Variants in LARGE1 observed in about 807,000 individuals in gnomAD.
LARGE1 encodes the protein xylosyl- and glucuronyltransferase LARGE1.
Under a neutral mutation model 87.6 loss-of-function variants are expected in LARGE1, and 43 were observed. The ratio of observed to expected loss-of-function variants is 0.49; its 90% CI spans 0.38 to 0.63. The LOEUF (loss-of-function observed/expected upper bound fraction) is 0.63. LARGE1 is among the 30% of genes least tolerant of loss of function. The probability of loss-of-function intolerance (pLI) is 0.00; values close to 1 mark genes in which losing one functional copy is unlikely to be tolerated. For synonymous variants in LARGE1, 434 were observed against 394.6 expected (o/e 1.10, Z -1.18); for missense variants, 802 against 1,000.2 (o/e 0.80, Z 2.67).
At chr22:33,576,877 TGAAAA>T (rs2148849691) in intron 5 of LARGE1, among the ~76,000 whole-genome samples, 1 of 152,326 alleles carries the variant, frequency 6.6e-6, no homozygotes, top group East Asian at 1.9e-4. Context: ...TAGAGCATAC[TGAAAA>T]GAAAATAAAT....
chr22:33,591,110 A>G (rs2078826680), intron 5 of LARGE1, among the ~76,000 whole-genome samples: 1 of 152,232 alleles, frequency 6.6e-6, no homozygotes, highest in African/African-American at 2.4e-5. Context: ...CTGAGGCAGA[A>G]GAATCGCTTG....
chr22:33,895,157 G>A (rs1001891764), intron 1 of LARGE1, among the ~76,000 whole-genome samples: 6 of 152,096 alleles, frequency 3.9e-5, no homozygotes, highest in Admixed American at 1.3e-4. Context: ...CACACAAACC[G>A]GAAACCAGAG....
intron 6 of LARGE1, among the ~76,000 whole-genome samples, chr22:33,473,692 C>T (rs1406165372): frequency 2.6e-5 from 4 of 152,280 alleles, no homozygotes; most frequent in Non-Finnish European, 5.9e-5. Flanking sequence ...TGATCCACCA[C>T]CTTGGCCTTC....
At chr22:33,203,591 G>A (rs1430028873) in intron 11 of LARGE1, among the ~76,000 whole-genome samples, 3 of 152,146 alleles carry the variant, frequency 2.0e-5, no homozygotes, top group East Asian at 3.9e-4. Flanking sequence ...TTTATAGTGA[G>A]GGGAGAGGGA....
chr22:33,295,993 T>C (rs1167374372), intron 12 of LARGE1, among the ~76,000 whole-genome samples: 1 of 152,196 alleles, frequency 6.6e-6, no homozygotes, highest in African/African-American at 2.4e-5. Flanking sequence ...AAAGTAGTAA[T>C]GATTGCCATA....
chr22:33,319,654 C>T (rs979150667), intron 10 of LARGE1, among the ~76,000 whole-genome samples: 1 of 152,150 alleles, frequency 6.6e-6, no homozygotes, highest in Non-Finnish European at 1.5e-5. Flanking sequence ...CCGAACCCTC[C>T]CAAAGTGTTG....
At chr22:33,609,114 T>C (rs2079350444) in intron 4 of LARGE1, among the ~76,000 whole-genome samples, 1 of 152,212 alleles carries the variant, frequency 6.6e-6, no homozygotes, top group Non-Finnish European at 1.5e-5. Context: ...CAAAGAGCTA[T>C]TAAGCAATAA....
chr22:33,911,715 G>A lies in LARGE1; in HGVS notation c.-83+8280C>T, dbSNP rs527983990. ...GATAAGTTAAAATCCCTACAAACTC[G>A]GAGGAAAGAAAGCACGCATTTCGGT... On this transcript the variant is annotated intron_variant, in intron 1 of 14. Coordinates refer to ENST00000397394, the MANE Select transcript of LARGE1 (RefSeq NM_133642.5). Among the ~76,000 whole-genome samples the A allele has an allele frequency of 1.1e-4, 16 of 152,254 alleles. 1 individual carries two copies. The highest frequency in any genetic ancestry group is 1.0e-3 in the South Asian group (5 of 4,812).
intron 1 of LARGE1, among the ~76,000 whole-genome samples, chr22:33,865,281 C>A (rs2064056008): frequency 6.6e-6 from 1 of 152,222 alleles, no homozygotes; most frequent in Non-Finnish European, 1.5e-5. Flanking sequence ...TCCAGCAAGA[C>A]TGCAGATAAT....
chr22:33,906,491 T>G (rs2065460965), intron 1 of LARGE1, among the ~76,000 whole-genome samples: 1 of 152,224 alleles, frequency 6.6e-6, no homozygotes, highest in Non-Finnish European at 1.5e-5. Context: ...CAAGCCTCAG[T>G]TTCCTTAGCT....
chr22:33,921,043 G>T (rs978778079), upstream of LARGE1, among the ~76,000 whole-genome samples: 12 of 150,400 alleles, frequency 8.0e-5, no homozygotes, highest in Non-Finnish European at 1.2e-4. The surrounding 1 kb of genome is among the most constrained non-coding windows in gnomAD (Gnocchi z 4.1). Flanking sequence ...AGCCGGGGGG[G>T]ACCGCGAGCC....
intron 6 of LARGE1, among the ~76,000 whole-genome samples, chr22:33,474,208 G>A (rs2068976039): frequency 6.6e-6 from 1 of 151,998 alleles, no homozygotes; most frequent in Non-Finnish European, 1.5e-5. Flanking sequence ...TCGTTGCCTA[G>A]GCTGAAGTGC....
downstream of LARGE1, among the ~76,000 whole-genome samples, chr22:33,160,298 G>A (rs1921979911): frequency 1.3e-5 from 2 of 152,194 alleles, no homozygotes; most frequent in South Asian, 4.1e-4. Flanking sequence ...CAGTTGGAAG[G>A]AGGAAGAGTT....
chr22:33,146,317 C>G, the LARGE1 span, among the ~76,000 whole-genome samples: 2 of 151,170 alleles, frequency 1.3e-5, no homozygotes, highest in Admixed American at 1.3e-4. Flanking sequence ...TACCCAAAAC[C>G]CATTCTCCCT....
chr22:33,239,281 C>A (rs117149295), intron 11 of LARGE1, among the ~76,000 whole-genome samples: 3,568 of 152,130 alleles, frequency 0.023, 62 homozygotes, highest in Non-Finnish European at 0.034. Context: ...ATATTGCCAA[C>A]TTCTTTCCAA....
chr22:33,113,336 T>C, the LARGE1 span, among the ~76,000 whole-genome samples: 2 of 151,824 alleles, frequency 1.3e-5, no homozygotes, highest in South Asian at 2.1e-4. Flanking sequence ...GCCTCCTGAG[T>C]AGCTGGGATT....
chr22:33,838,333 T>C (rs1297593127), intron 1 of LARGE1, among the ~76,000 whole-genome samples: 2 of 152,186 alleles, frequency 1.3e-5, no homozygotes, highest in Non-Finnish European at 2.9e-5. Context: ...CACTAGGATC[T>C]CAAAAAATGT....
intron 2 of LARGE1, chr22:33,704,730 A>C (rs999564674): frequency 1.3e-5 from 2 of 152,060 alleles, no homozygotes; most frequent in African/African-American, 4.8e-5. Context: ...TGATACACCA[A>C]CCTTTATGCA....
intron 5 of LARGE1, among the ~76,000 whole-genome samples, chr22:33,587,394 A>G (rs130422): frequency 0.23 from 35,578 of 152,182 alleles, 4,745 homozygotes; most frequent in East Asian, 0.35. Context: ...ACAATTTAAG[A>G]AGGGTTGGCC....
Sources: allele counts gnomAD v4.1 joint callset (sites outside exome capture counted in the v4.1 genomes callset), GRCh38; gene constraint gnomAD v4.1.1; non-coding constraint Gnocchi (gnomAD v3.1); transcripts MANE v1.5; gene names NCBI Gene and HGNC (gene_info 2026-07-23, HGNC 2026-07-21).